The following CCT7 variants were observed in gnomAD, a reference collection of about 807,000 sequenced individuals.
CCT7 encodes chaperonin containing TCP1 subunit 7, also known as T-complex protein 1 subunit eta.
In CCT7, 16 loss-of-function variants were observed where a neutral mutation model predicts 56.6. The ratio of observed to expected loss-of-function variants is 0.28; its 90% confidence interval spans 0.19 to 0.43. CCT7 has a LOEUF of 0.43. CCT7 is among the 20% of genes least tolerant of loss of function. CCT7 has a pLI of 1.00. For missense variants in CCT7, 519 were observed against 685.6 expected (o/e 0.76, Z 2.71); for synonymous variants, 262 against 254.8 (o/e 1.03, Z -0.27).
rs1194180442 is a variant in CCT7 at position 73,234,337 on chromosome 2, G to C, written c.-42G>C. On this transcript the variant is annotated 5_prime_UTR_variant, in exon 1 of 12. Coordinates refer to ENST00000258091, the MANE Select transcript of CCT7 (RefSeq NM_006429.4). ...TGGGTTGCTGGGCGGCCCGGTCTCG[G>C]AGAAGAGGGGAGAGTGGCGGGCCGC... 4 of 1,613,470 alleles carry C rather than the reference G, an allele frequency of 2.5e-6. No homozygotes were observed. Among genetic ancestry groups the C allele is most frequent in the African/African-American group, 1.3e-5 (1 of 74,960 alleles).
intron 10 of CCT7, among the ~76,000 whole-genome samples, chr2:73,250,886 G>A (rs1456006178): frequency 6.6e-6 from 1 of 151,950 alleles, no homozygotes; most frequent in East Asian, 1.9e-4. Flanking sequence ...GTTACAGTGA[G>A]CTATGATCAC....
chr2:73,234,970 TACTG>T (rs751696097), intron 1 of CCT7, among the ~76,000 whole-genome samples: 1 of 152,220 alleles, frequency 6.6e-6, no homozygotes, highest in Non-Finnish European at 1.5e-5. Flanking sequence ...CTTTAGTGCC[TACTG>T]AATGTACCAG....
At chr2:73,240,227 T>C in intron 2 of CCT7, 1 of 392,610 alleles carries the variant, frequency 2.5e-6, no homozygotes, top group Non-Finnish European at 4.5e-6. Flanking sequence ...TCAAGGAAAA[T>C]TGGGAGTCTG....
Position 73,239,670 on chromosome 2 carries a change from G to A in CCT7, c.34G>A (p.Gly12Arg), listed in dbSNP as rs1687019877. 4 of 1,613,870 alleles carry A rather than the reference G, an allele frequency of 2.5e-6. No individual in the cohort carries two copies. Among genetic ancestry groups the A allele is most frequent in the Admixed American group, 3.3e-5 (2 of 60,018 alleles). Residue 12 changes from glycine (G) to arginine (R), a missense_variant, in exon 2 of 12, where the codon GGG becomes AGG. Transcript: ENST00000258091. ...MPTPVILLKE[G>R]TDSSQGIPQL... is the part of the protein sequence containing the mutation. ...CACACCAGTTATCCTATTGAAAGAG[G>A]GGACTGATAGCTCCCAAGGCATCCC...
At position 73,250,043 on chromosome 2, in the gene CCT7, G is replaced by C. The variant is rs538729071; in HGVS notation, c.1070+127G>C. On this transcript the variant is annotated intron_variant, in intron 9 of 11. Coordinates refer to ENST00000258091, the MANE Select transcript of CCT7 (RefSeq NM_006429.4). ...TACAAAGTGGTATACAGCTTTTACA[G>C]AGTCTCACCTTTGAGCCATAAAGAG... 4.6e-5 allele frequency: 35 copies of C among 762,474 alleles called. No individual in the cohort carries two copies. In the Admixed American group the frequency reaches 6.9e-4, roughly 15 times the overall value. The allele number at this position is 762,474 out of a possible 1,614,324, so 47.2% of individuals were successfully genotyped here. A position where few individuals can be genotyped will look rare whatever the true frequency, so the allele number is the denominator to read the frequency against.
intron 2 of CCT7, chr2:73,240,165 C>T (rs995667214): frequency 9.0e-6 from 3 of 331,766 alleles, no homozygotes; most frequent in South Asian, 8.6e-5. Flanking sequence ...TAAGTGGTTA[C>T]TTTTATTTAA....
Position 73,251,426 on chromosome 2 carries a change from T to A in CCT7, c.1404T>A (p.His468Gln), listed in dbSNP as rs1433176582. The change falls in exon 11 of 12, where the codon CAT (histidine) becomes CAA (glutamine). Residue 468 changes from histidine (H) to glutamine (Q), a missense_variant. Physicochemically the swap from His to Gln is conservative, Grantham distance 24 (BLOSUM62 0). Coordinates refer to ENST00000258091, the MANE Select transcript of CCT7 (RefSeq NM_006429.4). The stretch of plus-strand genomic sequence containing the variant: ...TTCTCAACAAGCTGCGGGCTCGGCA[T>A]GCCCAGGTGGGTCCTTTCTCTCCCC... ...TNILNKLRARHAQGGTWYGVD... is the reference protein window; with the variant it reads ...TNILNKLRARQAQGGTWYGVD... The A allele has an allele frequency of 7.5e-7, 1 of 1,329,750 alleles. No homozygotes were observed. The highest frequency in any genetic ancestry group is 1.0e-6 in the Non-Finnish European group (1 of 990,236). The allele number at this position is 1,329,750 out of a possible 1,614,324, so 82.4% of individuals were successfully genotyped here.
At chr2:73,242,871 G>C (rs1687173950) in intron 3 of CCT7, 133 bp from the exon 4 acceptor site, 1 of 1,049,822 alleles carries the variant, frequency 9.5e-7, no homozygotes, top group Non-Finnish European at 1.4e-6. Context: ...GCAAAAACCT[G>C]TGCTTCCAGA....
At chr2:73,239,292 C>T (rs750739118) in intron 1 of CCT7, 16 of 181,666 alleles carry the variant, frequency 8.8e-5, no homozygotes, top group Middle Eastern at 4.5e-3. Flanking sequence ...CTGCCTCTTC[C>T]TCCTGTGTTG....
intron 10 of CCT7, 45 bp from the exon 11 acceptor site, chr2:73,251,181 G>A (rs1410004765): frequency 1.9e-6 from 3 of 1,581,634 alleles, no homozygotes; most frequent in Admixed American, 1.7e-5. Flanking sequence ...ATGGAAGCTT[G>A]GACCAGGGGC....
chr2:73,251,128 A>C, intron 10 of CCT7, 98 bp from the exon 11 acceptor site: 1 of 1,097,830 alleles, frequency 9.1e-7, no homozygotes, highest in Non-Finnish European at 1.4e-6. Context: ...AGGAATGAAG[A>C]ACCACTCTTT....
At chr2:73,252,347 A>G (rs1360400876) in intron 11 of CCT7, among the ~76,000 whole-genome samples, 3 of 148,784 alleles carry the variant, frequency 2.0e-5, no homozygotes, top group Non-Finnish European at 3.0e-5. Context: ...ATATATATAT[A>G]TATAGTCCTC....
chr2:73,251,461 G>T, intron 11 of CCT7, 29 bp downstream of exon 11: 3 of 1,360,224 alleles, frequency 2.2e-6, no homozygotes, highest in Non-Finnish European at 3.1e-6. Flanking sequence ...CAGGGTTCAG[G>T]GTTTGGGCGG....
chr2:73,234,333 C>T lies in CCT7; in HGVS notation c.-46C>T, dbSNP rs766642418. ...ATTGTGGGTTGCTGGGCGGCCCGGTCTCGGAGAAGAGGGGAGAGTGGCGGG... is the reference window on the plus strand; with the variant it reads ...ATTGTGGGTTGCTGGGCGGCCCGGTTTCGGAGAAGAGGGGAGAGTGGCGGG... On this transcript the variant is annotated 5_prime_UTR_variant, in exon 1 of 12. Coordinates refer to ENST00000258091, the MANE Select transcript of CCT7 (RefSeq NM_006429.4). The T allele has an allele frequency of 2.5e-6, 4 of 1,613,324 alleles. No homozygotes were observed. Among genetic ancestry groups the T allele is most frequent in the East Asian group, 2.2e-5 (1 of 44,876 alleles).
chr2:73,242,980 G>C, intron 3 of CCT7, 24 bp from the exon 4 acceptor site: 1 of 1,613,258 alleles, frequency 6.2e-7, no homozygotes, highest in Non-Finnish European at 8.5e-7. Flanking sequence ...CAGAAAACGT[G>C]TATTTCCTGT....
chr2:73,251,970 T>G (rs1053454801), intron 11 of CCT7, among the ~76,000 whole-genome samples: 1 of 151,812 alleles, frequency 6.6e-6, no homozygotes, highest in Non-Finnish European at 1.5e-5. Flanking sequence ...TTGCTTCTTA[T>G]GGTACCACAG....
chr2:73,235,106 C>G (rs368523708), intron 1 of CCT7, among the ~76,000 whole-genome samples: 1 of 152,204 alleles, frequency 6.6e-6, no homozygotes, highest in South Asian at 2.1e-4. Context: ...AAAGGCTTTT[C>G]TAGTTGGCTA....
intron 4 of CCT7, among the ~76,000 whole-genome samples, chr2:73,243,444 A>C (rs561163829): frequency 2.0e-5 from 3 of 152,240 alleles, no homozygotes; most frequent in African/African-American, 7.2e-5. Context: ...GTATATTGAG[A>C]CCTAGCTATT....
At position 73,239,794 on chromosome 2, in the gene CCT7, G is replaced by T. The variant is rs182088510; in HGVS notation, c.158G>T (p.Arg53Ile). The change falls in exon 2 of 12, where the codon AGA becomes ATA. Residue 53 changes from arginine (R) to isoleucine (I), a missense_variant and splice_region_variant. Physicochemically the swap from Arg to Ile is moderately conservative, Grantham distance 97 (BLOSUM62 -3). Around this residue, in one of 3 missense-constraint regions of CCT7, gnomAD observed 276 missense variants for 357.3 expected, o/e 0.77. Transcript: ENST00000258091. ...RGMDKLIVDG[R>I]GKATISNDGA... is the part of the protein sequence containing the mutation. ...ATGGACAAGCTTATTGTAGATGGCAGAGGTAAGTCTACAGAGTTCCTCAGG... is the reference window on the plus strand; with the variant it reads ...ATGGACAAGCTTATTGTAGATGGCATAGGTAAGTCTACAGAGTTCCTCAGG... 18 of 1,613,762 alleles carry T rather than the reference G, an allele frequency of 1.1e-5. No individual in the cohort carries two copies. Among genetic ancestry groups the T allele is most frequent in the Non-Finnish European group, 1.5e-5 (18 of 1,179,826 alleles).
Sources: gnomAD v4.1 joint callset for allele counts (sites outside exome capture counted in the v4.1 genomes callset) on GRCh38, gnomAD v4.1.1 for gene constraint, gnomAD v4.1.1 regional missense constraint, MANE v1.5 for transcripts, NCBI Gene and HGNC (gene_info 2026-07-23, HGNC 2026-07-21) for gene names.